PLCL1: variants seen among roughly 807,000 people sequenced by gnomAD.
The protein encoded by PLCL1 is inactive phospholipase C-like protein 1.
In PLCL1, 41 loss-of-function variants were observed where a neutral mutation model predicts 84.4. That is an observed-to-expected ratio of 0.49 (90% CI 0.38 to 0.63). The LOEUF (loss-of-function observed/expected upper bound fraction) is 0.63. PLCL1 is among the 30% of genes least tolerant of loss of function. The pLI is 0.00. For synonymous variants in PLCL1, 490 were observed against 488.3 expected, an observed-to-expected ratio of 1.00 and a Z score of -0.05; for missense variants, 1,206 against 1,367.8, an observed-to-expected ratio of 0.88 and a Z score of 1.87.
Position 197,804,964 on chromosome 2 carries a change from G to T in PLCL1, c.-136G>T. On this transcript the variant is annotated 5_prime_UTR_variant, in exon 1 of 6. Transcript: ENST00000428675. Reference sequence around the variant, plus strand: ...AGTTGCCGCCGCCGCCGCCGCCGCCGCCACTGCCGCCGCTGGGCGGTGAAA... The same window carrying T: ...AGTTGCCGCCGCCGCCGCCGCCGCCTCCACTGCCGCCGCTGGGCGGTGAAA... 2 of 1,105,248 alleles carry T rather than the reference G, an allele frequency of 1.8e-6. No homozygotes were observed. Among genetic ancestry groups the T allele is most frequent in the South Asian group, 1.6e-5 (1 of 62,880 alleles). The allele number at this position is 1,105,248 out of a possible 1,614,324, so 68.5% of individuals were successfully genotyped here. A position where few individuals can be genotyped will look rare whatever the true frequency, so the allele number is the denominator to read the frequency against.
At chr2:197,983,814 A>G (rs1208926495) in intron 1 of PLCL1, among the ~76,000 whole-genome samples, 1 of 152,190 alleles carries the variant, frequency 6.6e-6, no homozygotes, top group Non-Finnish European at 1.5e-5. Context: ...CACCAGGTCT[A>G]TGCATCTGTT....
At chr2:197,811,034 C>G (rs747918183) in intron 1 of PLCL1, among the ~76,000 whole-genome samples, 6 of 152,074 alleles carry the variant, frequency 3.9e-5, no homozygotes, top group Non-Finnish European at 7.4e-5. Flanking sequence ...ATAGTGAAAC[C>G]TTTCAGTTCT....
chr2:198,143,326 A>G (rs1694433686), intron 5 of PLCL1, among the ~76,000 whole-genome samples: 1 of 152,110 alleles, frequency 6.6e-6, no homozygotes, highest in Non-Finnish European at 1.5e-5. Context: ...ATGTGACAGG[A>G]GTGGGAGCTC....
At chr2:197,854,043 A>T (rs895662209) in intron 1 of PLCL1, among the ~76,000 whole-genome samples, 4 of 152,090 alleles carry the variant, frequency 2.6e-5, no homozygotes, top group Non-Finnish European at 5.9e-5. Context: ...GCTGGGTCTG[A>T]GAATCTGAAT....
At chr2:197,810,781 A>G (rs1284776583) in intron 1 of PLCL1, among the ~76,000 whole-genome samples, 1 of 152,160 alleles carries the variant, frequency 6.6e-6, no homozygotes, top group African/African-American at 2.4e-5. Flanking sequence ...CCCTCACTCA[A>G]TTCTGTTCAG....
Position 197,804,800 on chromosome 2 carries a change from C to A in PLCL1, c.-300C>A. ...GGCGTTTGCATCACATTTCGGATAC[C>A]TCCCTCTCTTTTTCGCCTCTCCTTC... On this transcript the variant is annotated 5_prime_UTR_variant, in exon 1 of 6. Coordinates refer to ENST00000428675, the MANE Select transcript of PLCL1 (RefSeq NM_006226.4). The A allele has an allele frequency of 3.2e-6, 1 of 307,968 alleles. No individual in the cohort carries two copies. The highest frequency in any genetic ancestry group is 8.8e-5 in the South Asian group (1 of 11,412). The allele number at this position is 307,968 out of a possible 1,614,324, so 19.1% of individuals were successfully genotyped here. A position where few individuals can be genotyped will look rare whatever the true frequency, so the allele number is the denominator to read the frequency against.
chr2:197,949,022 T>C (rs1409988814), intron 1 of PLCL1, among the ~76,000 whole-genome samples: 2 of 152,136 alleles, frequency 1.3e-5, no homozygotes, highest in African/African-American at 4.8e-5. Flanking sequence ...TCACAGAAAG[T>C]CCTCCTGCTT....
At chr2:198,142,603 G>T (rs900452392) in intron 5 of PLCL1, among the ~76,000 whole-genome samples, 1 of 152,068 alleles carries the variant, frequency 6.6e-6, no homozygotes, top group African/African-American at 2.4e-5. Context: ...CTGTGGCTTT[G>T]CATGAGTCCA....
At chr2:198,065,719 C>T (rs1459744015) in intron 1 of PLCL1, among the ~76,000 whole-genome samples, 3 of 152,130 alleles carry the variant, frequency 2.0e-5, no homozygotes, top group Non-Finnish European at 4.4e-5. Flanking sequence ...CTTAAAGGGC[C>T]TATTTTCCCT....
At chr2:198,126,264 C>A (rs1233896004) in intron 5 of PLCL1, among the ~76,000 whole-genome samples, 10 of 152,130 alleles carry the variant, frequency 6.6e-5, no homozygotes, top group Admixed American at 6.5e-4. Flanking sequence ...GCTTACCCCC[C>A]AACTCCTCTA....
At chr2:197,975,147 CAAAAA>C (rs71015804) in intron 1 of PLCL1, among the ~76,000 whole-genome samples, 4 of 19,908 alleles carry the variant, frequency 2.0e-4, no homozygotes, top group Admixed American at 6.3e-4. Context: ...GACTCCATCT[CAAAAA>C]AAAAAAAAAA....
chr2:197,867,402 A>C (rs191346434), intron 1 of PLCL1, among the ~76,000 whole-genome samples: 2 of 150,806 alleles, frequency 1.3e-5, no homozygotes, highest in Non-Finnish European at 3.0e-5. Flanking sequence ...TTTTTGTACT[A>C]TAAGTCCGCT....
intron 1 of PLCL1, among the ~76,000 whole-genome samples, chr2:197,955,455 A>G (rs1689466290): frequency 1.3e-5 from 2 of 149,842 alleles, no homozygotes; most frequent in African/African-American, 2.4e-5. Flanking sequence ...GAAATGGGAT[A>G]CATGTGCAGA....
At chr2:197,899,791 A>G (rs1688228086) in intron 1 of PLCL1, among the ~76,000 whole-genome samples, 1 of 151,260 alleles carries the variant, frequency 6.6e-6, no homozygotes, top group African/African-American at 2.4e-5. Context: ...GCCCGCTACC[A>G]CGCCCGGCTA....
chr2:198,065,717 GCCTATTTTCCCTTGATT>G (rs900553792), intron 1 of PLCL1, among the ~76,000 whole-genome samples: 1 of 152,116 alleles, frequency 6.6e-6, no homozygotes, highest in African/African-American at 2.4e-5. Context: ...AACTTAAAGG[GCCTATTTTCCCTTGATT>G]AAACTACAGG....
Position 198,103,900 on chromosome 2 carries a change from A to C in PLCL1, c.3069A>C (p.Ala1023=). 6.2e-7 allele frequency: 1 copy of C among 1,606,016 alleles called. No individual in the cohort carries two copies. The highest frequency in any genetic ancestry group is 8.5e-7 in the Non-Finnish European group (1 of 1,174,958). The part of the protein sequence containing the change: ...EGLKGRKLNK[A]TESFAWNITV... ...TGAAGGGAAGAAAACTCAACAAAGC[A>C]ACTGAGAGCTTTGCTTGGAACATTA... is the stretch of plus-strand genomic sequence containing the variant. Residue 1023 remains alanine (A), a synonymous_variant, in exon 5 of 6, where the codon GCA becomes GCC. Coordinates refer to ENST00000428675, the MANE Select transcript of PLCL1 (RefSeq NM_006226.4).
intron 1 of PLCL1, among the ~76,000 whole-genome samples, chr2:197,849,517 T>C (rs537609663): frequency 1.3e-5 from 2 of 152,338 alleles, no homozygotes; most frequent in African/African-American, 4.8e-5. Context: ...ATTAAAGTAA[T>C]TGTGAGATGT....
At chr2:197,934,716 A>G (rs1574956784) in intron 1 of PLCL1, among the ~76,000 whole-genome samples, 2 of 152,282 alleles carry the variant, frequency 1.3e-5, no homozygotes, top group African/African-American at 4.8e-5. Flanking sequence ...TCATATATGT[A>G]TATGTTGTGA....
chr2:198,014,178 T>G (rs1553511078), intron 1 of PLCL1, among the ~76,000 whole-genome samples: 1 of 152,162 alleles, frequency 6.6e-6, no homozygotes, highest in Non-Finnish European at 1.5e-5. Context: ...GTGCTACACA[T>G]GAGGACATGC....
Sources: gnomAD v4.1 joint callset for allele counts (sites outside exome capture counted in the v4.1 genomes callset) on GRCh38, gnomAD v4.1.1 for gene constraint, MANE v1.5 for transcripts, NCBI Gene and HGNC (gene_info 2026-07-23, HGNC 2026-07-21) for gene names.